CDC42BPB: variants seen among roughly 807,000 people sequenced by gnomAD.
CDC42BPB encodes the protein CDC42 binding protein kinase beta.
In CDC42BPB, 37 loss-of-function variants were observed where a neutral mutation model predicts 214.9. The observed-to-expected ratio is 0.17, with a 90% CI of 0.13 to 0.23. CDC42BPB has a LOEUF of 0.23. Among genes scored for constraint, CDC42BPB ranks in the 10% least tolerant of loss-of-function variants. The pLI, the probability that CDC42BPB is intolerant of heterozygous loss-of-function variation, is 1.00. For synonymous variants in CDC42BPB, 931 were observed against 884.0 expected, an observed-to-expected ratio of 1.05 and a Z score of -0.94; for missense variants, 1,694 against 2,227.0, an observed-to-expected ratio of 0.76 and a Z score of 4.82.
At chr14:103,028,145 AAAC>A (rs554034757) in intron 1 of CDC42BPB, among the ~76,000 whole-genome samples, 47 of 152,288 alleles carry the variant, frequency 3.1e-4, no homozygotes, top group Non-Finnish European at 5.1e-4. Context: ...TAAGTAAATA[AAAC>A]AATAATAAAA....
At chr14:102,988,328 C>T (rs1894340666) in intron 5 of CDC42BPB, among the ~76,000 whole-genome samples, 1 of 138,030 alleles carries the variant, frequency 7.2e-6, no homozygotes, top group South Asian at 2.3e-4. Flanking sequence ...CATTTGACTA[C>T]AATCCAACAG....
intron 2 of CDC42BPB, 142 bp from the exon 3 acceptor site, chr14:103,008,697 T>C (rs1885983307): frequency 6.9e-7 from 1 of 1,454,952 alleles, no homozygotes; most frequent in East Asian, 2.5e-5. Context: ...CCACCTAGCA[T>C]GTGCCAGTTC....
At position 103,014,977 on chromosome 14, in the gene CDC42BPB, C is replaced by A. The variant is rs143163950; in HGVS notation, c.176-2789G>T. Among the ~76,000 whole-genome samples, 643 of 152,324 alleles carry A rather than the reference C, an allele frequency of 4.2e-3. 6 individuals are homozygous for A. Among genetic ancestry groups the A allele is most frequent in the African/African-American group, 0.015 (628 of 41,562 alleles). ...CTTTCCACATTAATTACTCTCAAGT[C>A]ACCCGGGCTTCCTTGTCAAGTTTCC... On this transcript the variant is annotated intron_variant, in intron 1 of 36. Transcript: ENST00000361246.
At chr14:103,030,926 G>A (rs1230261000) in intron 1 of CDC42BPB, among the ~76,000 whole-genome samples, 1 of 151,994 alleles carries the variant, frequency 6.6e-6, no homozygotes, top group Non-Finnish European at 1.5e-5. Context: ...GGTGGGAATT[G>A]CAGTGAGGCA....
intron 1 of CDC42BPB, among the ~76,000 whole-genome samples, chr14:103,030,882 G>A (rs939451871): frequency 4.3e-4 from 65 of 152,000 alleles, no homozygotes; most frequent in African/African-American, 1.6e-3. Flanking sequence ...AGCTACTCGA[G>A]AGGCTGAGAC....
rs1347313535 is a variant in CDC42BPB at position 102,986,515 on chromosome 14, G to A, written c.662C>T (p.Ser221Leu). ...GCCATCATCATTCATCTTCAAACAT[G>A]ATCCAAAGTCAGCCAGGCGGATATG... ...NGHIRLADFGSCLKMNDDGTV... is the reference protein window; with the variant it reads ...NGHIRLADFGLCLKMNDDGTV... Residue 221 changes from serine to leucine, a missense_variant, in exon 6 of 37, where the codon TCA becomes TTA. Physicochemically the swap from Ser to Leu is moderately radical, Grantham distance 145. This residue lies in a region of CDC42BPB where 225 missense variants were observed against 459.3 expected (regional missense o/e 0.49). Transcript: ENST00000361246. 1.2e-6 allele frequency: 2 copies of A among 1,613,664 alleles called. No homozygotes were observed. The highest frequency in any genetic ancestry group is 1.3e-5 in the African/African-American group (1 of 74,896).
intron 27 of CDC42BPB, 46 bp downstream of exon 27, chr14:102,947,675 G>A (rs756455371): frequency 1.3e-5 from 20 of 1,497,978 alleles, no homozygotes; most frequent in Non-Finnish European, 1.9e-5. Context: ...AGAACAATCA[G>A]TTTTAACCAT....
At chr14:102,967,909 C>T (rs1258697248) in intron 16 of CDC42BPB, among the ~76,000 whole-genome samples, 2 of 152,084 alleles carry the variant, frequency 1.3e-5, no homozygotes, top group Non-Finnish European at 2.9e-5. Flanking sequence ...TCCTGGCTAA[C>T]ACGGTGAAAA....
In CDC42BPB at chr14:102,986,549, C is replaced by A; in HGVS notation, c.628G>T (p.Val210Leu). Residue 210 changes from valine to leucine, a missense_variant, in exon 6 of 37, where the codon GTG becomes TTG. Val to Leu is a conservative substitution (Grantham distance 32). This residue lies in a region of CDC42BPB where 225 missense variants were observed against 459.3 expected (regional missense o/e 0.49). Coordinates refer to ENST00000361246, the MANE Select transcript of CDC42BPB (RefSeq NM_006035.4). ...DIKPDNVLLD[V>L]NGHIRLADFG... The stretch of plus-strand genomic sequence containing the variant: ...TCAGCCAGGCGGATATGACCATTCA[C>A]GTCCAAAAGGACATTGTCAGGTTTA... 6.2e-7 allele frequency: 1 copy of A among 1,613,934 alleles called. No individual in the cohort carries two copies. The highest frequency in any genetic ancestry group is 8.5e-7 in the Non-Finnish European group (1 of 1,179,874).
chr14:103,003,773 A>G (rs567426564), intron 4 of CDC42BPB, among the ~76,000 whole-genome samples, 155 bp downstream of exon 4: 27 of 152,370 alleles, frequency 1.8e-4, no homozygotes, highest in Admixed American at 1.4e-3. Context: ...TCTACCTGAC[A>G]ATTACTGCAT....
intron 1 of CDC42BPB, among the ~76,000 whole-genome samples, chr14:103,052,705 A>C (rs765349639): frequency 6.6e-6 from 1 of 152,138 alleles, no homozygotes; most frequent in African/African-American, 2.4e-5. Context: ...CGGACTGGGG[A>C]CTGGAAACCC....
At chr14:103,036,634 C>T (rs1039823812) in intron 1 of CDC42BPB, among the ~76,000 whole-genome samples, 5 of 152,138 alleles carry the variant, frequency 3.3e-5, no homozygotes, top group Admixed American at 6.6e-5. Flanking sequence ...ATACGATAGG[C>T]TCAACTGTGC....
In CDC42BPB at chr14:103,006,023, A is replaced by G. The variant is rs530067095; in HGVS notation, c.352-2000T>C. On this transcript the variant is annotated intron_variant, in intron 3 of 36. Transcript: ENST00000361246. ...GACAGGGAGAGACGTCTCAAAAAAA[A>G]AAAAAAAAAAAAGATGGCTGTTGCA... 3.8e-4 allele frequency among the ~76,000 whole-genome samples: 58 copies of G among 152,152 alleles called. 1 individual carries two copies. Among genetic ancestry groups the G allele is most frequent in the Admixed American group, 3.7e-3 (57 of 15,272 alleles).
At chr14:103,046,199 G>A (rs1263408424) in intron 1 of CDC42BPB, among the ~76,000 whole-genome samples, 1 of 151,778 alleles carries the variant, frequency 6.6e-6, no homozygotes, top group Non-Finnish European at 1.5e-5. Context: ...CCCAGAAACT[G>A]ACAGCTATGC....
chr14:102,945,840 T>A (rs1379367276), intron 28 of CDC42BPB, 116 bp from the exon 29 acceptor site: 2 of 839,712 alleles, frequency 2.4e-6, no homozygotes, highest in African/African-American at 1.7e-5. Context: ...TGGATGAGAA[T>A]ACAGCATTCC....
At chr14:102,933,929 A>G in intron 36 of CDC42BPB, 86 bp from the exon 37 acceptor site, 1 of 1,448,040 alleles carries the variant, frequency 6.9e-7, no homozygotes, top group South Asian at 1.5e-5. Flanking sequence ...ATGTTTGCTC[A>G]GGGACAACTG....
chr14:103,049,722 T>A (rs868060192), intron 1 of CDC42BPB, among the ~76,000 whole-genome samples: 1 of 152,260 alleles, frequency 6.6e-6, no homozygotes, highest in South Asian at 2.1e-4. Flanking sequence ...TAACTTTTTT[T>A]ATTTATTTGA....
chr14:102,974,541 T>C (rs1237021756), intron 11 of CDC42BPB, among the ~76,000 whole-genome samples: 1 of 152,158 alleles, frequency 6.6e-6, no homozygotes, highest in African/African-American at 2.4e-5. Flanking sequence ...ATCAAAGAAG[T>C]CTGTTTTTGG....
intron 19 of CDC42BPB, 43 bp downstream of exon 19, chr14:102,964,459 C>T (rs750254972): frequency 6.2e-6 from 10 of 1,604,642 alleles, no homozygotes; most frequent in Middle Eastern, 1.7e-4. Flanking sequence ...CGAGGCCACA[C>T]AGCCACTGCT....
Sources: gnomAD v4.1 joint callset for allele counts (sites outside exome capture counted in the v4.1 genomes callset) on GRCh38, gnomAD v4.1.1 for gene constraint, gnomAD v4.1.1 regional missense constraint, MANE v1.5 for transcripts, NCBI Gene and HGNC (gene_info 2026-07-23, HGNC 2026-07-21) for gene names.